Variants in CRYL1 observed in about 807,000 individuals in gnomAD.
CRYL1 encodes crystallin lambda 1.
A neutral mutation model predicts 36.6 loss-of-function variants in CRYL1; 29 were observed. The ratio of observed to expected loss-of-function variants is 0.79; its 90% CI spans 0.59 to 1.08. The LOEUF is 1.08. Among genes scored for constraint, CRYL1 ranks in the 50% least tolerant of loss-of-function variants. The pLI, the probability that CRYL1 is intolerant of heterozygous loss-of-function variation, is 0.00. For synonymous variants in CRYL1, 152 were observed against 151.5 expected (o/e 1.00, Z -0.02); for missense variants, 411 against 407.9 (o/e 1.01, Z -0.06).
At chr13:20,428,402 C>T (rs766026595) in intron 5 of CRYL1, among the ~76,000 whole-genome samples, 16 of 152,196 alleles carry the variant, frequency 1.1e-4, no homozygotes, top group Non-Finnish European at 1.5e-4. Flanking sequence ...TCCACCTGTA[C>T]GTCCTTGATA....
chr13:20,424,018 C>A (rs2031878450), intron 5 of CRYL1, among the ~76,000 whole-genome samples: 1 of 152,108 alleles, frequency 6.6e-6, no homozygotes, highest in East Asian at 1.9e-4. Context: ...ATTCCCCTGC[C>A]TTGGATTCCG....
At chr13:20,505,381 AAT>A (rs2033777921) in intron 2 of CRYL1, among the ~76,000 whole-genome samples, 1 of 138,840 alleles carries the variant, frequency 7.2e-6, no homozygotes. Flanking sequence ...AAAAAAAAAA[AAT>A]CAGAATATGG....
chr13:20,489,269 C>T, intron 3 of CRYL1, 101 bp downstream of exon 3: 1 of 1,435,462 alleles, frequency 7.0e-7, no homozygotes, highest in East Asian at 2.3e-5. Context: ...ATGCAAAATG[C>T]CCACACCTGC....
intron 4 of CRYL1, among the ~76,000 whole-genome samples, chr13:20,434,187 C>G (rs952750777): frequency 6.6e-6 from 1 of 152,218 alleles, no homozygotes; most frequent in African/African-American, 2.4e-5. Context: ...CTCTCCCTAG[C>G]CCCTCTCACT....
chr13:20,468,389 G>A (rs931165679), intron 3 of CRYL1, among the ~76,000 whole-genome samples: 1 of 152,044 alleles, frequency 6.6e-6, no homozygotes, highest in African/African-American at 2.4e-5. Context: ...AGCCTCCTGA[G>A]TAGCTGGAAC....
At chr13:20,495,810 G>T (rs553448446) in intron 2 of CRYL1, among the ~76,000 whole-genome samples, 136 of 152,336 alleles carry the variant, frequency 8.9e-4, no homozygotes, top group African/African-American at 3.0e-3. Flanking sequence ...GGCCCCACAG[G>T]GGAAGGAAGT....
chr13:20,417,320 A>G (rs1428688081), intron 5 of CRYL1, among the ~76,000 whole-genome samples: 1 of 152,232 alleles, frequency 6.6e-6, no homozygotes, highest in Non-Finnish European at 1.5e-5. Context: ...TTGATAAATA[A>G]TCGCAGCAGC....
intron 2 of CRYL1, among the ~76,000 whole-genome samples, chr13:20,504,302 CTTT>C (rs757657892): frequency 4.7e-5 from 6 of 128,458 alleles, no homozygotes; most frequent in African/African-American, 9.0e-5. Flanking sequence ...CTTTTCTTTT[CTTT>C]TTTTTTTTTT....
At chr13:20,502,803 G>A (rs970496194) in intron 2 of CRYL1, among the ~76,000 whole-genome samples, 11 of 152,162 alleles carry the variant, frequency 7.2e-5, no homozygotes, top group African/African-American at 1.4e-4. Context: ...ATCAAGGCCC[G>A]GTTAAAAAAT....
At chr13:20,453,763 C>A (rs1023184644) in intron 3 of CRYL1, among the ~76,000 whole-genome samples, 3 of 152,052 alleles carry the variant, frequency 2.0e-5, no homozygotes, top group Non-Finnish European at 4.4e-5. Flanking sequence ...TCAAGGCAGA[C>A]TGACCAATAA....
At chr13:20,485,530 G>A (rs2033378497) in intron 3 of CRYL1, among the ~76,000 whole-genome samples, 1 of 151,994 alleles carries the variant, frequency 6.6e-6, no homozygotes, top group African/African-American at 2.4e-5. Flanking sequence ...TTAGCCATGT[G>A]TGGTGGCACA....
At chr13:20,414,198 TA>T (rs1403658295) in intron 5 of CRYL1, among the ~76,000 whole-genome samples, 1 of 49,592 alleles carries the variant, frequency 2.0e-5, no homozygotes, top group Non-Finnish European at 3.9e-5. Context: ...AAATAAAAAT[TA>T]AAAAAATACA....
intron 3 of CRYL1, among the ~76,000 whole-genome samples, chr13:20,466,121 A>G (rs2032927636): frequency 6.6e-6 from 1 of 152,164 alleles, no homozygotes. Flanking sequence ...CAAGAGCCAA[A>G]TAAACATCTT....
chr13:20,437,137 G>C (rs2032239178), intron 4 of CRYL1, among the ~76,000 whole-genome samples: 1 of 151,856 alleles, frequency 6.6e-6, no homozygotes, highest in Non-Finnish European at 1.5e-5. Flanking sequence ...TCTCCAGCCT[G>C]GGTGAAAGAG....
chr13:20,411,333 T>C (rs2031517292), intron 6 of CRYL1, among the ~76,000 whole-genome samples: 1 of 152,216 alleles, frequency 6.6e-6, no homozygotes, highest in African/African-American at 2.4e-5. Context: ...TGAAAAATTG[T>C]TATGGGCCTC....
At chr13:20,439,524 A>AAAAAAT in intron 4 of CRYL1, 69 bp downstream of exon 4, 12 of 1,036,606 alleles carry the variant, frequency 1.2e-5, no homozygotes, top group East Asian at 3.2e-5. Context: ...CAAAAAAAAA[A>AAAAAAT]AAAAAAGAAA....
Position 20,425,155 on chromosome 13 carries a change from G to A in CRYL1, c.633+6947C>T, listed in dbSNP as rs1203807502. On this transcript the variant is annotated intron_variant, in intron 5 of 7. Coordinates refer to ENST00000298248, the MANE Select transcript of CRYL1 (RefSeq NM_015974.3). The surrounding 1 kb of genome is among the most constrained non-coding windows in gnomAD (Gnocchi z 4.4). ...CAAACCACAGCAATTCACTTCCAAC[G>A]CCGTCCTTCCCCAGAAAAGCTGCCA... Among the ~76,000 whole-genome samples the A allele has an allele frequency of 6.6e-6, 1 of 152,236 alleles. No individual in the cohort carries two copies. Among genetic ancestry groups the A allele is most frequent in the South Asian group, 2.1e-4 (1 of 4,824 alleles).
chr13:20,444,383 A>C (rs1316739277), intron 3 of CRYL1, among the ~76,000 whole-genome samples: 1 of 152,230 alleles, frequency 6.6e-6, no homozygotes, highest in Admixed American at 6.5e-5. Context: ...AAATCAGTGT[A>C]GACTGAGTTT....
At chr13:20,434,706 C>A (rs572310176) in intron 4 of CRYL1, among the ~76,000 whole-genome samples, 5 of 150,960 alleles carry the variant, frequency 3.3e-5, no homozygotes, top group Admixed American at 3.3e-4. Flanking sequence ...CACAATAAAC[C>A]TTGCTACCAC....
Sources: allele counts gnomAD v4.1 joint callset (sites outside exome capture counted in the v4.1 genomes callset), GRCh38; gene constraint gnomAD v4.1.1; non-coding constraint Gnocchi (gnomAD v3.1); transcripts MANE v1.5; gene names NCBI Gene and HGNC (gene_info 2026-07-23, HGNC 2026-07-21).